LRFN5: variants seen among roughly 807,000 people sequenced by gnomAD.
The protein encoded by LRFN5 is leucine-rich repeat and fibronectin type-III domain-containing protein 5.
LRFN5 carries 24 observed loss-of-function variants against 45.6 expected under a neutral mutation model. That is an observed-to-expected ratio of 0.53 (90% CI 0.38 to 0.74). The LOEUF is 0.74. Ranked by LOEUF, LRFN5 falls within the 30% of genes least tolerant of loss-of-function variation. The pLI, the probability that LRFN5 is intolerant of heterozygous loss-of-function variation, is 0.00. For missense variants in LRFN5, 776 were observed against 861.5 expected (o/e 0.90, Z 1.24); for synonymous variants, 340 against 313.8 (o/e 1.08, Z -0.88).
chr14:41,704,872 GA>G (rs1411888555), intron 1 of LRFN5, among the ~76,000 whole-genome samples: 1 of 152,056 alleles, frequency 6.6e-6, no homozygotes, highest in African/African-American at 2.4e-5. Flanking sequence ...CATCTCTGGA[GA>G]AATAAACTTA....
chr14:41,815,227 AG>A (rs1415954852), intron 2 of LRFN5, among the ~76,000 whole-genome samples: 67 of 152,268 alleles, frequency 4.4e-4, no homozygotes, highest in African/African-American at 1.6e-3. Context: ...CTCTGTTTTC[AG>A]GTACATGCAT....
chr14:41,723,881 A>G (rs530444268), intron 1 of LRFN5, among the ~76,000 whole-genome samples: 46 of 152,288 alleles, frequency 3.0e-4, no homozygotes, highest in Middle Eastern at 6.8e-3. Flanking sequence ...CTGACTTTGT[A>G]TACACCTGGA....
chr14:41,749,221 A>G (rs764700207), intron 1 of LRFN5, among the ~76,000 whole-genome samples: 7 of 152,184 alleles, frequency 4.6e-5, no homozygotes, highest in Non-Finnish European at 1.0e-4. Context: ...TGAGAGACGT[A>G]TGCAAACAGT....
intron 1 of LRFN5, among the ~76,000 whole-genome samples, chr14:41,695,430 T>C (rs144887039): frequency 2.0e-5 from 3 of 151,966 alleles, no homozygotes; most frequent in Non-Finnish European, 2.9e-5. Flanking sequence ...TACCTTCTAT[T>C]GGAAAAAGAG....
At chr14:41,623,450 G>T (rs1342397226) in intron 1 of LRFN5, among the ~76,000 whole-genome samples, 1 of 151,968 alleles carries the variant, frequency 6.6e-6, no homozygotes, top group African/African-American at 2.4e-5. Context: ...TATGAAAATG[G>T]ACTAAAAATG....
At chr14:41,824,370 A>T (rs1888222945) in intron 2 of LRFN5, among the ~76,000 whole-genome samples, 1 of 152,140 alleles carries the variant, frequency 6.6e-6, no homozygotes. Flanking sequence ...GTATATTACC[A>T]TTTAGCTTTT....
At chr14:41,667,573 G>T (rs1028179877) in intron 1 of LRFN5, among the ~76,000 whole-genome samples, 1 of 152,068 alleles carries the variant, frequency 6.6e-6, no homozygotes, top group Non-Finnish European at 1.5e-5. Flanking sequence ...CCCCTTTCCT[G>T]AATCTATAGA....
intron 2 of LRFN5, among the ~76,000 whole-genome samples, chr14:41,871,816 T>C (rs953683580): frequency 5.3e-5 from 8 of 152,048 alleles, no homozygotes; most frequent in Non-Finnish European, 7.4e-5. Flanking sequence ...ACAGTCCAAC[T>C]TTTTTTACTA....
At chr14:41,744,645 A>G (rs1014038948) in intron 1 of LRFN5, among the ~76,000 whole-genome samples, 1 of 152,060 alleles carries the variant, frequency 6.6e-6, no homozygotes, top group Non-Finnish European at 1.5e-5. Context: ...GCTGTTCACA[A>G]GAGACTCAGT....
chr14:41,728,440 T>G (rs1387604493), intron 1 of LRFN5, among the ~76,000 whole-genome samples: 1 of 152,148 alleles, frequency 6.6e-6, no homozygotes, highest in African/African-American at 2.4e-5. Context: ...CACACACATC[T>G]TTGTCTTTCC....
At chr14:41,656,199 T>A (rs1256250874) in intron 1 of LRFN5, among the ~76,000 whole-genome samples, 1 of 151,962 alleles carries the variant, frequency 6.6e-6, no homozygotes, top group African/African-American at 2.4e-5. Flanking sequence ...GAAATGAGGA[T>A]AATGATATTT....
At chr14:41,807,183 C>A (rs1887553652) in intron 2 of LRFN5, among the ~76,000 whole-genome samples, 1 of 152,008 alleles carries the variant, frequency 6.6e-6, no homozygotes, top group Non-Finnish European at 1.5e-5. Context: ...TAGGTATAAT[C>A]CAGAAGTTAA....
chr14:41,786,384 ATTAAT>A (rs1163348439), intron 2 of LRFN5, among the ~76,000 whole-genome samples: 4 of 152,016 alleles, frequency 2.6e-5, no homozygotes, highest in East Asian at 1.9e-4. Flanking sequence ...TTTTTAATAC[ATTAAT>A]TTAACATTTT....
chr14:41,708,305 C>T (rs1774827427), intron 1 of LRFN5, among the ~76,000 whole-genome samples: 1 of 152,034 alleles, frequency 6.6e-6, no homozygotes, highest in Non-Finnish European at 1.5e-5. Flanking sequence ...CACCAAATGG[C>T]TAATCTTATT....
At chr14:41,688,894 G>A (rs1208475619) in intron 1 of LRFN5, among the ~76,000 whole-genome samples, 2 of 142,030 alleles carry the variant, frequency 1.4e-5, no homozygotes, top group Non-Finnish European at 3.0e-5. Context: ...GCAGCATGGT[G>A]AGACCCTATT....
At chr14:41,659,224 C>A (rs924853763) in intron 1 of LRFN5, among the ~76,000 whole-genome samples, 1 of 151,956 alleles carries the variant, frequency 6.6e-6, no homozygotes, top group Non-Finnish European at 1.5e-5. Context: ...CCAACAGGCC[C>A]CAGTGTGTGA....
intron 2 of LRFN5, among the ~76,000 whole-genome samples, chr14:41,871,144 T>G (rs1421540602): frequency 6.6e-6 from 1 of 152,114 alleles, no homozygotes; most frequent in Non-Finnish European, 1.5e-5. Context: ...AATTCTATTT[T>G]TAAAATCCTA....
chr14:41,883,006 A>G (rs1890438430), intron 2 of LRFN5, among the ~76,000 whole-genome samples: 1 of 151,396 alleles, frequency 6.6e-6, no homozygotes, highest in Admixed American at 6.6e-5. Flanking sequence ...ACGCCACCAC[A>G]GCCGGCTAAT....
chr14:41,898,218 C>A (rs1468031096), intron 4 of LRFN5, among the ~76,000 whole-genome samples: 5 of 151,828 alleles, frequency 3.3e-5, no homozygotes, highest in Non-Finnish European at 7.4e-5. Flanking sequence ...TGTGTCACTT[C>A]TCAATGATTA....
Sources: gnomAD v4.1 joint callset for allele counts (sites outside exome capture counted in the v4.1 genomes callset) on GRCh38, gnomAD v4.1.1 for gene constraint, MANE v1.5 for transcripts, NCBI Gene and HGNC (gene_info 2026-07-23, HGNC 2026-07-21) for gene names.